CDK12: variants seen among roughly 807,000 people sequenced by gnomAD.
CDK12 encodes cyclin dependent kinase 12.
Under a neutral mutation model 133.8 loss-of-function variants are expected in CDK12, and 17 were observed. The ratio of observed to expected loss-of-function variants is 0.13; its 90% CI spans 0.09 to 0.19. The LOEUF (loss-of-function observed/expected upper bound fraction) is 0.19, where lower values mean the gene tolerates loss of function less well. Ranked by LOEUF, CDK12 falls within the 10% of genes least tolerant of loss-of-function variation. The pLI is 1.00. For missense variants in CDK12, 1,508 were observed against 1,818.7 expected (o/e 0.83, Z 3.11); for synonymous variants, 694 against 683.6 (o/e 1.02, Z -0.24).
In CDK12 at chr17:39,520,062, G is replaced by A. The variant is rs201479472; in HGVS notation, c.3070G>A (p.Glu1024Lys). 1.2e-5 allele frequency: 19 copies of A among 1,613,766 alleles called. No homozygotes were observed. Among genetic ancestry groups the A allele is most frequent in the African/African-American group, 4.0e-5 (3 of 74,858 alleles). Reference protein sequence around the residue: ...TLQSDFLKDVELSKMAPPDLP... With the variant: ...TLQSDFLKDVKLSKMAPPDLP... ...ACAGAGCGACTTCCTTAAAGATGTC[G>A]AACTCAGCAAAATGGCTCCTCCAGA... Residue 1024 changes from glutamate to lysine, a missense_variant, in exon 11 of 14, where the codon GAA becomes AAA. Coordinates refer to ENST00000447079, the MANE Select transcript of CDK12 (RefSeq NM_016507.4).
At chr17:39,525,564 C>T (rs2146705893) in intron 12 of CDK12, among the ~76,000 whole-genome samples, 1 of 152,204 alleles carries the variant, frequency 6.6e-6, no homozygotes, top group African/African-American at 2.4e-5. Flanking sequence ...TTTTAAATCT[C>T]TCTTAGTAAT....
In CDK12 at chr17:39,550,505, A is replaced by C. The variant is rs550195170; in HGVS notation, n.251+64A>C. 2.0e-5 allele frequency: 3 copies of C among 152,384 alleles called. No homozygotes were observed. In the South Asian group the frequency reaches 6.2e-4, roughly 32 times the overall value. The allele number at this position is 152,384 out of a possible 1,614,324, so 9.4% of individuals were successfully genotyped here. On this transcript the variant is annotated intron_variant and non_coding_transcript_variant, in intron 1 of 3. Coordinates refer to the CDK12 transcript ENST00000558240. ...GGGCTTGTCCCAGGGAGTGCTGTAA[A>C]ATTGTGAAAGGAAGGTGGGGACAGA... is the stretch of plus-strand genomic sequence containing the variant.
In CDK12 at chr17:39,509,686, A is replaced by G; in HGVS notation, c.2610-19A>G. On this transcript the variant is annotated intron_variant, in intron 6 of 13. Coordinates refer to ENST00000447079, the MANE Select transcript of CDK12 (RefSeq NM_016507.4). ...GCCACTGCTATGGCTTATGAAAATA[A>G]TTGTTTTTTGTTTTACAGTGGGCAA... 1 of 1,603,572 alleles carries G rather than the reference A, an allele frequency of 6.2e-7. No individual in the cohort carries two copies. Among genetic ancestry groups the G allele is most frequent in the Non-Finnish European group, 8.5e-7 (1 of 1,170,360 alleles).
intron 2 of CDK12, among the ~76,000 whole-genome samples, chr17:39,485,733 AAGC>A: frequency 6.6e-6 from 1 of 151,484 alleles, no homozygotes; most frequent in East Asian, 2.0e-4. Flanking sequence ...AAAAAAAAAA[AAGC>A]AGCTGTGGTG....
intron 2 of CDK12, among the ~76,000 whole-genome samples, chr17:39,478,945 C>G (rs1229317207): frequency 1.3e-5 from 2 of 151,982 alleles, no homozygotes; most frequent in Non-Finnish European, 2.9e-5. Context: ...ACCAGCTGCT[C>G]CATATCCATG....
Position 39,531,831 on chromosome 17 carries a change from C to T in CDK12, c.*515C>T. The T allele has an allele frequency of 4.3e-6, 1 of 234,188 alleles. No individual in the cohort carries two copies. Among genetic ancestry groups the T allele is most frequent in the Non-Finnish European group, 8.5e-6 (1 of 118,328 alleles). The allele number at this position is 234,188 out of a possible 1,614,324, so 14.5% of individuals were successfully genotyped here. On this transcript the variant is annotated 3_prime_UTR_variant, in exon 14 of 14. Transcript: ENST00000447079. ...TCTTTGGCTTTTGCTATAAGGGAAACAGAGTGGCCTGGCTGATTTGAATAA... is the reference window on the plus strand; with the variant it reads ...TCTTTGGCTTTTGCTATAAGGGAAATAGAGTGGCCTGGCTGATTTGAATAA...
At chr17:39,544,364 G>A (rs958726620), upstream of CDK12, 25 of 485,104 alleles carry the variant, frequency 5.2e-5, no homozygotes, top group Admixed American at 3.9e-4. Flanking sequence ...AAGCCAGGTA[G>A]GGGCCTAAAG....
At chr17:39,467,608 A>G (rs2049443103) in intron 1 of CDK12, among the ~76,000 whole-genome samples, 1 of 152,126 alleles carries the variant, frequency 6.6e-6, no homozygotes. Flanking sequence ...TTTCTAACAG[A>G]CTTCCTTAGG....
intron 1 of CDK12, among the ~76,000 whole-genome samples, chr17:39,539,758 T>C (rs1192570676): frequency 6.6e-6 from 1 of 152,030 alleles, no homozygotes; most frequent in Non-Finnish European, 1.5e-5. Context: ...AGGAAAGAAA[T>C]AATCGGAGAA....
At chr17:39,511,495 T>A (rs2053505460) in intron 7 of CDK12, 34 bp from the exon 8 acceptor site, 2 of 1,342,008 alleles carry the variant, frequency 1.5e-6, no homozygotes, top group African/African-American at 2.9e-5. Context: ...GAAGCCACTG[T>A]AAGTTTATGT....
chr17:39,518,002 G>GA (rs1234400291), intron 10 of CDK12, among the ~76,000 whole-genome samples: 1 of 144,290 alleles, frequency 6.9e-6, no homozygotes, highest in Non-Finnish European at 1.5e-5. Context: ...TTTTGAGACA[G>GA]AGTCTCACTT....
chr17:39,541,600 C>T (rs1231982977), intron 1 of CDK12, among the ~76,000 whole-genome samples: 1 of 100,756 alleles, frequency 9.9e-6, no homozygotes, highest in Non-Finnish European at 2.5e-5. Flanking sequence ...CTCCAGACCT[C>T]GTGATCAGCC....
At chr17:39,518,473 C>T (rs565051052) in intron 10 of CDK12, among the ~76,000 whole-genome samples, 3 of 152,028 alleles carry the variant, frequency 2.0e-5, no homozygotes, top group South Asian at 4.2e-4. Context: ...GAAGATCACT[C>T]GTGCTACCAC....
intron 2 of CDK12, among the ~76,000 whole-genome samples, chr17:39,485,328 G>A (rs1018147313): frequency 1.3e-5 from 2 of 151,462 alleles, no homozygotes; most frequent in Admixed American, 1.3e-4. Flanking sequence ...GCTGATGCCT[G>A]TGATCCCAGC....
chr17:39,502,955 G>A (rs1025659668), intron 6 of CDK12, among the ~76,000 whole-genome samples: 2 of 152,070 alleles, frequency 1.3e-5, no homozygotes, highest in Admixed American at 1.3e-4. Flanking sequence ...CCCCACTGAG[G>A]AACTTAAACT....
chr17:39,541,264 C>A (rs566664539), intron 1 of CDK12, among the ~76,000 whole-genome samples: 1 of 152,118 alleles, frequency 6.6e-6, no homozygotes, highest in South Asian at 2.1e-4. Flanking sequence ...CTGCCCCATA[C>A]CTGCTCTCAG....
chr17:39,467,788 G>A (rs1253348426), intron 1 of CDK12, among the ~76,000 whole-genome samples: 2 of 152,064 alleles, frequency 1.3e-5, no homozygotes, highest in African/African-American at 4.8e-5. Flanking sequence ...GTTTTCTTAA[G>A]GGTAAGTGCA....
intron 13 of CDK12, chr17:39,529,998 A>G (rs1426437353): frequency 6.6e-6 from 1 of 152,248 alleles, no homozygotes; most frequent in Non-Finnish European, 1.5e-5. Flanking sequence ...CTTTCAGACT[A>G]TGATTTTGGG....
downstream of CDK12, among the ~76,000 whole-genome samples, chr17:39,565,774 CCA>C (rs1478987781): frequency 6.6e-6 from 1 of 152,206 alleles, no homozygotes; most frequent in African/African-American, 2.4e-5. Context: ...TGTTGGATCT[CCA>C]GTTTCCTAGT....
Sources: allele counts gnomAD v4.1 joint callset (sites outside exome capture counted in the v4.1 genomes callset), GRCh38; gene constraint gnomAD v4.1.1; transcripts MANE v1.5; gene names NCBI Gene and HGNC (gene_info 2026-07-23, HGNC 2026-07-21).